The following CAMTA1 variants were observed in gnomAD, a reference collection of about 807,000 sequenced individuals.
The protein encoded by CAMTA1 is calmodulin-binding transcription activator 1.
In CAMTA1, 27 loss-of-function variants were observed where a neutral mutation model predicts 170.9. That is an observed-to-expected ratio of 0.16 (90% confidence interval 0.12 to 0.22). CAMTA1 has a LOEUF of 0.22. Ranked by LOEUF, CAMTA1 falls within the 10% of genes least tolerant of loss-of-function variation. The pLI, the probability that CAMTA1 is intolerant of heterozygous loss-of-function variation, is 1.00. For synonymous variants in CAMTA1, 833 were observed against 891.5 expected, an observed-to-expected ratio of 0.93 and a Z score of 1.17; for missense variants, 1,619 against 2,217.2, an observed-to-expected ratio of 0.73 and a Z score of 5.42.
intron 11 of CAMTA1, among the ~76,000 whole-genome samples, chr1:7,720,485 A>C (rs927630393): frequency 1.3e-5 from 2 of 152,000 alleles, no homozygotes; most frequent in Non-Finnish European, 2.9e-5. Context: ...AGGTTCAAGC[A>C]ATTCTCCTGC....
chr1:7,737,852 G>A (rs1010000707), intron 15 of CAMTA1, 107 bp from the exon 16 acceptor site: 11 of 1,190,532 alleles, frequency 9.2e-6, no homozygotes, highest in African/African-American at 9.2e-5. Context: ...CGTGTCTTGA[G>A]TTCCGGCTTT....
At chr1:7,114,333 A>C (rs942310985) in intron 4 of CAMTA1, among the ~76,000 whole-genome samples, 2 of 152,030 alleles carry the variant, frequency 1.3e-5, no homozygotes, top group Non-Finnish European at 2.9e-5. Context: ...GTGTGTGTAC[A>C]TACATATACA....
At chr1:6,917,614 A>T (rs1020119601) in intron 3 of CAMTA1, among the ~76,000 whole-genome samples, 3 of 152,066 alleles carry the variant, frequency 2.0e-5, no homozygotes, top group African/African-American at 4.8e-5. Flanking sequence ...TTTGGCACCC[A>T]CTGCCATGAC....
intron 5 of CAMTA1, among the ~76,000 whole-genome samples, chr1:7,429,613 G>A (rs1174484045): frequency 6.6e-6 from 1 of 151,464 alleles, no homozygotes; most frequent in African/African-American, 2.4e-5. Flanking sequence ...TGATGCTGAT[G>A]GTGGTGATGG....
At chr1:7,258,052 T>C (rs1667673362) in intron 5 of CAMTA1, among the ~76,000 whole-genome samples, 1 of 152,084 alleles carries the variant, frequency 6.6e-6, no homozygotes, top group African/African-American at 2.4e-5. Flanking sequence ...GAAAAGTGAG[T>C]CCTGGATGTT....
At chr1:7,386,094 A>G (rs2087938565) in intron 5 of CAMTA1, among the ~76,000 whole-genome samples, 1 of 152,168 alleles carries the variant, frequency 6.6e-6, no homozygotes, top group South Asian at 2.1e-4. Context: ...CACAGGGACC[A>G]TTGTCAGGCA....
chr1:7,704,103 C>A (rs1182258810), intron 11 of CAMTA1, among the ~76,000 whole-genome samples: 1 of 151,734 alleles, frequency 6.6e-6, no homozygotes, highest in African/African-American at 2.4e-5. Flanking sequence ...AGCCTGGCCC[C>A]CACGCCTCCC....
At chr1:7,306,772 G>A (rs1272462715) in intron 5 of CAMTA1, among the ~76,000 whole-genome samples, 2 of 151,846 alleles carry the variant, frequency 1.3e-5, no homozygotes, top group Admixed American at 6.6e-5. Flanking sequence ...TGTGACCGCA[G>A]TACAATCAGC....
In CAMTA1 at chr1:7,748,446, G is replaced by A. The variant is rs1431860515; in HGVS notation, c.4689+665G>A. Among the ~76,000 whole-genome samples the A allele has an allele frequency of 6.6e-6, 1 of 152,110 alleles. No homozygotes were observed. The highest frequency in any genetic ancestry group is 1.5e-5 in the Non-Finnish European group (1 of 68,018). On this transcript the variant is annotated intron_variant, in intron 19 of 22. Coordinates refer to ENST00000303635, the MANE Select transcript of CAMTA1 (RefSeq NM_015215.4). The surrounding 1 kb of genome is among the most constrained non-coding windows in gnomAD (Gnocchi z 4.7). ...CTGCAATTAGACTTGTACCGCAAAA[G>A]GGTTTTTGTCCAAATTTTTGATCTT...
chr1:7,184,493 C>G (rs988388670), intron 4 of CAMTA1, among the ~76,000 whole-genome samples: 1 of 151,790 alleles, frequency 6.6e-6, no homozygotes, highest in Non-Finnish European at 1.5e-5. Flanking sequence ...TGCATATATA[C>G]CTACTATGTA....
At chr1:7,352,382 T>A (rs530687170) in intron 5 of CAMTA1, among the ~76,000 whole-genome samples, 1 of 152,058 alleles carries the variant, frequency 6.6e-6, no homozygotes, top group East Asian at 1.9e-4. Context: ...AAAGGGTAAT[T>A]GGGAAGATTC....
intron 5 of CAMTA1, among the ~76,000 whole-genome samples, chr1:7,344,188 C>G (rs563638376): frequency 6.6e-6 from 1 of 152,332 alleles, no homozygotes; most frequent in Admixed American, 6.5e-5. Flanking sequence ...CCCTTGGAGC[C>G]GGCCTGAAGG....
chr1:6,828,815 TTCTATTGTTTAC>T (rs1648382880), intron 3 of CAMTA1, among the ~76,000 whole-genome samples: 1 of 152,110 alleles, frequency 6.6e-6, no homozygotes, highest in African/African-American at 2.4e-5. Context: ...GGAACTTTCA[TTCTATTGTTTAC>T]TCTATAGGAG....
chr1:7,170,309 T>A (rs1415966476), intron 4 of CAMTA1, among the ~76,000 whole-genome samples: 9 of 151,510 alleles, frequency 5.9e-5, no homozygotes, highest in African/African-American at 9.7e-5. Flanking sequence ...TTTTTTTTTT[T>A]AATTTTACTT....
In CAMTA1 at chr1:7,635,608, C is replaced by CAAAAAA. The variant is rs767824479; in HGVS notation, c.511-4778_511-4773dup. On this transcript the variant is annotated intron_variant, in intron 6 of 22. Transcript: ENST00000303635. The surrounding 1 kb of genome is among the most constrained non-coding windows in gnomAD (Gnocchi z 4.4). ...TGGGGGACAGAGCAAGACTCCGTCT[C>CAAAAAA]AAAAAAAAAAAAAAAAAAATACAGG... Among the ~76,000 whole-genome samples the CAAAAAA allele has an allele frequency of 1.1e-5, 1 of 90,222 alleles. No individual in the cohort carries two copies. The allele number at this position is 90,222 out of a possible 152,430, so 59.2% of individuals were successfully genotyped here. A position where few individuals can be genotyped will look rare whatever the true frequency, so the allele number is the denominator to read the frequency against.
chr1:7,715,741 C>T (rs2096604756), intron 11 of CAMTA1, among the ~76,000 whole-genome samples: 1 of 152,200 alleles, frequency 6.6e-6, no homozygotes, highest in Non-Finnish European at 1.5e-5. Flanking sequence ...TGACTCTGGT[C>T]TAGGGGTAGG....
rs1675300441 is a variant in CAMTA1, at chr1:7,304,592, C to T, written c.438+54966C>T. On this transcript the variant is annotated intron_variant, in intron 5 of 22. Coordinates refer to ENST00000303635, the MANE Select transcript of CAMTA1 (RefSeq NM_015215.4). ...AGCCCTTATCAAAACATTGTGTTAT[C>T]AAAGCTTTTTTTTTTTTTTAGGTCT... Among the ~76,000 whole-genome samples the T allele has an allele frequency of 1.4e-5, 2 of 139,518 alleles. 1 individual carries two copies. Among genetic ancestry groups the T allele is most frequent in the Admixed American group, 1.4e-4 (2 of 14,070 alleles). 91.5% of individuals were successfully genotyped at this position (139,518 alleles called of 152,430 possible). A position where few individuals can be genotyped will look rare whatever the true frequency, so the allele number is the denominator to read the frequency against.
In CAMTA1 at chr1:7,719,222, G is replaced by A. The variant is rs114653130; in HGVS notation, c.2915-13226G>A. Reference sequence around the variant, plus strand: ...GCTCCTGCGTGGTGGAGGTGCCGTCGGTGCCTGAGACTGTGTTGTGATGTG... The same window carrying A: ...GCTCCTGCGTGGTGGAGGTGCCGTCAGTGCCTGAGACTGTGTTGTGATGTG... On this transcript the variant is annotated intron_variant, in intron 11 of 22. Coordinates refer to ENST00000303635, the MANE Select transcript of CAMTA1 (RefSeq NM_015215.4). Among the ~76,000 whole-genome samples the A allele has an allele frequency of 4.1e-3, 622 of 152,174 alleles. 4 individuals carry two copies. Among genetic ancestry groups the A allele is most frequent in the Middle Eastern group, 0.027 (8 of 294 alleles).
intron 3 of CAMTA1, among the ~76,000 whole-genome samples, chr1:7,046,541 A>G (rs928481142): frequency 6.6e-6 from 1 of 152,182 alleles, no homozygotes; most frequent in Non-Finnish European, 1.5e-5. Context: ...TCCCGGATGC[A>G]GCTGATGTGC....
Sources: allele counts gnomAD v4.1 joint callset (sites outside exome capture counted in the v4.1 genomes callset), GRCh38; gene constraint gnomAD v4.1.1; non-coding constraint Gnocchi (gnomAD v3.1); transcripts MANE v1.5; gene names NCBI Gene and HGNC (gene_info 2026-07-23, HGNC 2026-07-21).